The following CD8A variants were observed in gnomAD, a reference collection of about 807,000 sequenced individuals.
The protein encoded by CD8A is CD8 subunit alpha.
A neutral mutation model predicts 24.2 loss-of-function variants in CD8A; 25 were observed. That is an observed-to-expected ratio of 1.03 (90% CI 0.75 to 1.44). The LOEUF (loss-of-function observed/expected upper bound fraction) is 1.44, where lower values mean the gene tolerates loss of function less well. Among genes scored for constraint, CD8A ranks in the 40% most tolerant of loss-of-function variants. The pLI, the probability that CD8A is intolerant of heterozygous loss-of-function variation, is 0.00. For synonymous variants in CD8A, 165 were observed against 149.9 expected, an observed-to-expected ratio of 1.10 and a Z score of -0.74; for missense variants, 360 against 319.7, an observed-to-expected ratio of 1.13 and a Z score of -0.96.
At chr2:86,796,757 C>G (rs1056704171) in intron 3 of CD8A, among the ~76,000 whole-genome samples, 3 of 152,172 alleles carry the variant, frequency 2.0e-5, no homozygotes, top group Middle Eastern at 3.2e-3. Flanking sequence ...TATCAGGCCT[C>G]CCAGATGGTA....
rs1672983457 is a variant in CD8A, at chr2:86,785,987, G to A, written c.657-16C>T. On this transcript the variant is annotated splice_polypyrimidine_tract_variant and intron_variant, in intron 5 of 5. Coordinates refer to ENST00000283635, the MANE Select transcript of CD8A (RefSeq NM_001768.7). ...GACCACAGGCCTGAAAGAGAGGAAA[G>A]CGACCATCATTGTAGCCAGAACCCC... The A allele has an allele frequency of 1.2e-6, 2 of 1,612,114 alleles. No individual in the cohort carries two copies. Among genetic ancestry groups the A allele is most frequent in the African/African-American group, 2.7e-5 (2 of 74,998 alleles).
intron 1 of CD8A, chr2:86,807,798 G>A (rs1303228569): frequency 6.5e-6 from 1 of 152,906 alleles, no homozygotes; most frequent in Non-Finnish European, 1.5e-5. Flanking sequence ...GGAGACGGAG[G>A]AGGAGTGTGG....
At chr2:86,797,754 CTT>C (rs35706509) in intron 3 of CD8A, among the ~76,000 whole-genome samples, 29,428 of 152,116 alleles carry the variant, frequency 0.19, 3,097 homozygotes, top group Non-Finnish European at 0.25. Context: ...AATGCCCACT[CTT>C]TATAAGTGTT....
intron 1 of CD8A, chr2:86,807,843 G>C (rs2104471738): frequency 6.5e-6 from 1 of 154,996 alleles, no homozygotes; most frequent in South Asian, 2.0e-4. Context: ...GGAAGGGCGG[G>C]GGGCTAGCCC....
intron 2 of CD8A, among the ~76,000 whole-genome samples, chr2:86,802,407 C>A (rs897570962): frequency 6.6e-6 from 1 of 152,042 alleles, no homozygotes; most frequent in Admixed American, 6.6e-5. Flanking sequence ...GACAATTGTG[C>A]ACTATTAATA....
chr2:86,794,065 T>G (rs967978222), upstream of CD8A, among the ~76,000 whole-genome samples: 7 of 152,186 alleles, frequency 4.6e-5, no homozygotes, highest in Non-Finnish European at 8.8e-5. Context: ...GGAGAAACTT[T>G]CTGTAGACCA....
chr2:86,785,505 C>T lies in CD8A; in HGVS notation c.*415G>A. On this transcript the variant is annotated 3_prime_UTR_variant, in exon 6 of 6. Coordinates refer to ENST00000283635, the MANE Select transcript of CD8A (RefSeq NM_001768.7). Reference sequence around the variant, plus strand: ...CCTGAGCTGGGAGACAAGGTCCCTCCAGCTACTGCTCCAACCCTGACTTGC... The same window carrying T: ...CCTGAGCTGGGAGACAAGGTCCCTCTAGCTACTGCTCCAACCCTGACTTGC... The T allele has an allele frequency of 2.2e-6, 1 of 462,378 alleles. No individual in the cohort carries two copies. Among genetic ancestry groups the T allele is most frequent in the South Asian group, 1.5e-5 (1 of 64,536 alleles). 28.6% of individuals were successfully genotyped at this position (462,378 alleles called of 1,614,324 possible).
rs376906106 is a variant in CD8A, at chr2:86,788,831, A to T, written c.626-271T>A. ...CCATCCTTCGTCTCAAGCATCAATT[A>T]AAAAAAATTGCAACTACAGACGCGG... On this transcript the variant is annotated intron_variant, in intron 4 of 5. Transcript: ENST00000283635. Among the ~76,000 whole-genome samples, 280 of 152,170 alleles carry T rather than the reference A, an allele frequency of 1.8e-3. 1 individual carries two copies. Among genetic ancestry groups the T allele is most frequent in the African/African-American group, 6.5e-3 (270 of 41,544 alleles).
At chr2:86,799,168 A>G (rs1028581182) in intron 3 of CD8A, among the ~76,000 whole-genome samples, 1 of 151,944 alleles carries the variant, frequency 6.6e-6, no homozygotes, top group Non-Finnish European at 1.5e-5. Flanking sequence ...CAGATTCTCA[A>G]CTCCCATTGG....
Position 86,785,144 on chromosome 2 carries a change from G to T in CD8A, c.*776C>A, listed in dbSNP as rs1344696757. The T allele has an allele frequency of 1.1e-5, 5 of 454,040 alleles. No homozygotes were observed. The highest frequency in any genetic ancestry group is 9.4e-5 in the Admixed American group (4 of 42,564). 28.1% of individuals were successfully genotyped at this position (454,040 alleles called of 1,614,324 possible). On this transcript the variant is annotated 3_prime_UTR_variant, in exon 6 of 6. Coordinates refer to ENST00000283635, the MANE Select transcript of CD8A (RefSeq NM_001768.7). Reference sequence around the variant, plus strand: ...TTCATGGGCCCCTCTGCAATGCAAGGGCTGGGAGAGCAATTCCGCCTCCAC... The same window carrying T: ...TTCATGGGCCCCTCTGCAATGCAAGTGCTGGGAGAGCAATTCCGCCTCCAC...
intron 2 of CD8A, among the ~76,000 whole-genome samples, chr2:86,802,521 T>C (rs1673707667): frequency 6.6e-6 from 1 of 152,204 alleles, no homozygotes; most frequent in Admixed American, 6.5e-5. Context: ...AAGTATGAAA[T>C]ATTGATCAAT....
intron 5 of CD8A, among the ~76,000 whole-genome samples, chr2:86,787,898 A>AGAGAGAGAGAGAGAGTGTGTGTGTGTGT (rs369993109): frequency 2.8e-5 from 4 of 144,490 alleles, no homozygotes; most frequent in African/African-American, 1.0e-4. Flanking sequence ...AGAGAGAGAG[A>AGAGAGAGAGAGAGAGTGTGTGTGTGTGT]GTGTGTGTGT....
Position 86,789,344 on chromosome 2 carries a change from T to TA in CD8A, c.603dup (p.Ile202TyrfsTer47), listed in dbSNP as rs753093517. ...TTACTGTGGTTGCAGTAAAGGGTGA[T>TA]AACCAGTGACAGGAGAAGGACCCCA... On this transcript the variant is annotated frameshift_variant, in exon 4 of 6. Coordinates refer to ENST00000283635, the MANE Select transcript of CD8A (RefSeq NM_001768.7). LOFTEE classifies it high-confidence loss of function. The TA allele has an allele frequency of 1.2e-6, 2 of 1,611,272 alleles. No homozygotes were observed. The highest frequency in any genetic ancestry group is 1.7e-6 in the Non-Finnish European group (2 of 1,177,396).
chr2:86,801,762 GACAA>G (rs1673681899), intron 2 of CD8A: 1 of 152,076 alleles, frequency 6.6e-6, no homozygotes, highest in Admixed American at 6.6e-5. Flanking sequence ...TACATTGTAT[GACAA>G]ACAAAAGCAA....
intron 2 of CD8A, among the ~76,000 whole-genome samples, chr2:86,803,840 T>C (rs1673753332): frequency 6.6e-6 from 1 of 152,178 alleles, no homozygotes; most frequent in Non-Finnish European, 1.5e-5. Context: ...TGAGCTACCA[T>C]GCCTGGCCTG....
At chr2:86,794,756 G>A (rs528304374), upstream of CD8A, among the ~76,000 whole-genome samples, 15 of 152,110 alleles carry the variant, frequency 9.9e-5, no homozygotes, top group South Asian at 2.3e-3. Context: ...GTAGAATGTC[G>A]GGGATCCCTA....
chr2:86,796,757 C>T (rs1056704171), intron 3 of CD8A, among the ~76,000 whole-genome samples: 2 of 152,172 alleles, frequency 1.3e-5, no homozygotes, highest in African/African-American at 4.8e-5. Flanking sequence ...TATCAGGCCT[C>T]CCAGATGGTA....
rs936402508 is a variant in CD8A at position 86,785,667 on chromosome 2, C to T, written c.*253G>A. On this transcript the variant is annotated 3_prime_UTR_variant, in exon 6 of 6. Coordinates refer to ENST00000283635, the MANE Select transcript of CD8A (RefSeq NM_001768.7). ...GAACTCTGCGGGTAGCTCTGGCCTG[C>T]CCCTTTCCACGCCCTACCGCGATGT... The T allele has an allele frequency of 1.5e-6, 1 of 672,190 alleles. No homozygotes were observed. The allele number at this position is 672,190 out of a possible 1,614,324, so 41.6% of individuals were successfully genotyped here.
At chr2:86,790,248 A>T (rs1224551192) in intron 2 of CD8A, 80 bp downstream of exon 2, 5 of 1,036,408 alleles carry the variant, frequency 4.8e-6, no homozygotes, top group Non-Finnish European at 7.6e-6. Flanking sequence ...GAGGCTTGAA[A>T]GCAGGGCCCA....
Sources: allele counts gnomAD v4.1 joint callset (sites outside exome capture counted in the v4.1 genomes callset), GRCh38; gene constraint gnomAD v4.1.1; transcripts MANE v1.5; gene names NCBI Gene and HGNC (gene_info 2026-07-23, HGNC 2026-07-21).